The following PCDHA7 variants were observed in gnomAD, a reference collection of about 807,000 sequenced individuals.
PCDHA7 encodes the protein protocadherin alpha 7, also known as protocadherin alpha-7.
Under a neutral mutation model 57.2 loss-of-function variants are expected in PCDHA7, and 37 were observed. The ratio of observed to expected loss-of-function variants is 0.65; its 90% CI spans 0.50 to 0.85. PCDHA7 has a LOEUF of 0.85. Among genes scored for constraint, PCDHA7 ranks in the 40% least tolerant of loss-of-function variants. The pLI, the probability that PCDHA7 is intolerant of heterozygous loss-of-function variation, is 0.00. For missense variants in PCDHA7, 1,188 were observed against 1,241.8 expected (o/e 0.96, Z 0.65); for synonymous variants, 553 against 558.8 (o/e 0.99, Z 0.15).
rs868942705 is a variant in PCDHA7 at position 140,935,763 on chromosome 5, C to T, written c.2356-43186C>T. Reference sequence around the variant, plus strand: ...TATTCCATACAATACACATTCTTCCCCACTTTGAGTTTTTTCACTTAAAAA... The same window carrying T: ...TATTCCATACAATACACATTCTTCCTCACTTTGAGTTTTTTCACTTAAAAA... On this transcript the variant is annotated intron_variant, in intron 1 of 3. Coordinates refer to ENST00000525929, the MANE Select transcript of PCDHA7 (RefSeq NM_018910.3). Among the ~76,000 whole-genome samples, 111 of 152,180 alleles carry T rather than the reference C, an allele frequency of 7.3e-4. 1 individual carries two copies. The highest frequency in any genetic ancestry group is 3.4e-3 in the Middle Eastern group (1 of 294).
intron 1 of PCDHA7, among the ~76,000 whole-genome samples, chr5:140,905,354 A>T (rs926429746): frequency 3.3e-5 from 5 of 152,030 alleles, no homozygotes; most frequent in Non-Finnish European, 5.9e-5. Context: ...TAAGTATTTG[A>T]CTATATTTCT....
rs1361440512 is a variant in PCDHA7, at chr5:140,875,201, G to A, written c.2355+38463G>A. 5.0e-5 allele frequency: 30 copies of A among 595,474 alleles called. No homozygotes were observed. The East Asian group carries it at 1.1e-3, about 21-fold the overall frequency. 36.9% of individuals were successfully genotyped at this position (595,474 alleles called of 1,614,324 possible). A position where few individuals can be genotyped will look rare whatever the true frequency, so the allele number is the denominator to read the frequency against. On this transcript the variant is annotated intron_variant, in intron 1 of 3. Coordinates refer to ENST00000525929, the MANE Select transcript of PCDHA7 (RefSeq NM_018910.3). ...AGAATTAAGAGTGACCCAGGAAGTG[G>A]CTAAACCGAAAAGAACCTCAGGATC... is the stretch of plus-strand genomic sequence containing the variant.
At position 140,836,060 on chromosome 5, in the gene PCDHA7, C is replaced by A; in HGVS notation, c.1677C>A (p.Asn559Lys). ...VTLQVFVLDE[N>K]DNAPALLAPR... ...TGCAGGTGTTCGTGCTGGACGAGAA[C>A]GACAACGCGCCGGCACTGCTGGCGC... is the stretch of plus-strand genomic sequence containing the variant. The change falls in exon 1 of 4, where the codon AAC (asparagine) becomes AAA (lysine). Residue 559 changes from asparagine (N) to lysine (K), a missense_variant. This residue lies in a region of PCDHA7 where 892 missense variants were observed against 788.5 expected (regional missense o/e 1.13). Coordinates refer to ENST00000525929, the MANE Select transcript of PCDHA7 (RefSeq NM_018910.3). 8.1e-6 allele frequency: 13 copies of A among 1,613,098 alleles called. No individual in the cohort carries two copies. The highest frequency in any genetic ancestry group is 1.1e-5 in the Non-Finnish European group (13 of 1,179,748).
intron 1 of PCDHA7, chr5:140,868,367 A>T (rs1172492575): frequency 1.3e-5 from 2 of 152,208 alleles, no homozygotes; most frequent in African/African-American, 4.8e-5. Context: ...AAATGTAAAT[A>T]ACAGTAAAGA....
chr5:140,969,585 T>A (rs2096344806), intron 1 of PCDHA7: 1 of 896,450 alleles, frequency 1.1e-6, no homozygotes, highest in Admixed American at 3.0e-5. Flanking sequence ...TGAGGATTAG[T>A]CTTAATATTT....
At chr5:140,883,280 G>T (rs2059527753) in intron 1 of PCDHA7, 1 of 1,613,990 alleles carries the variant, frequency 6.2e-7, no homozygotes, top group Non-Finnish European at 8.5e-7. Flanking sequence ...TACCCTTTTG[G>T]TGGAAGTACT....
chr5:140,876,286 G>C (rs782471001), intron 1 of PCDHA7: 14 of 1,614,040 alleles, frequency 8.7e-6, no homozygotes, highest in Non-Finnish European at 1.0e-5. Context: ...TCCAGACGAA[G>C]GACTTAATGG....
At chr5:140,870,938 C>G in intron 1 of PCDHA7, 1 of 1,613,724 alleles carries the variant, frequency 6.2e-7, no homozygotes, top group Non-Finnish European at 8.5e-7. Flanking sequence ...GAATTGCAGC[C>G]GGCGGCGGGC....
At chr5:140,934,258 A>G (rs2089731137) in intron 1 of PCDHA7, among the ~76,000 whole-genome samples, 1 of 152,140 alleles carries the variant, frequency 6.6e-6, no homozygotes, top group Non-Finnish European at 1.5e-5. Flanking sequence ...ATCAAAATTA[A>G]TAATAATCAG....
At chr5:140,924,902 A>T (rs1484044152) in intron 1 of PCDHA7, among the ~76,000 whole-genome samples, 1 of 39,026 alleles carries the variant, frequency 2.6e-5, no homozygotes, top group African/African-American at 7.6e-5. Context: ...CTCAAAAAAA[A>T]AAATAAAATA....
intron 1 of PCDHA7, chr5:140,927,723 A>G: frequency 6.2e-7 from 1 of 1,614,220 alleles, no homozygotes; most frequent in Non-Finnish European, 8.5e-7. Context: ...ACAGCACGCA[A>G]GCAGAGCTGC....
chr5:140,857,419 C>G, intron 1 of PCDHA7: 3 of 1,598,332 alleles, frequency 1.9e-6, no homozygotes, highest in Non-Finnish European at 2.6e-6. Context: ...TCGCGCAGTC[C>G]GAGTACACGG....
intron 1 of PCDHA7, among the ~76,000 whole-genome samples, chr5:140,914,495 A>G (rs1469336186): frequency 2.0e-5 from 3 of 152,164 alleles, no homozygotes; most frequent in Non-Finnish European, 4.4e-5. Context: ...CTTGTGGGCA[A>G]CAGATCATTG....
rs1296767379 is a variant in PCDHA7 at position 140,898,372 on chromosome 5, T to C, written c.2355+61634T>C. ...ATCTTGAATTAATTTTTGTATAAGG[T>C]GTAAGGAAGGGATCCAGTTTCAGCT... On this transcript the variant is annotated intron_variant, in intron 1 of 3. Coordinates refer to ENST00000525929, the MANE Select transcript of PCDHA7 (RefSeq NM_018910.3). Among the ~76,000 whole-genome samples, 5 of 152,320 alleles carry C rather than the reference T, an allele frequency of 3.3e-5. No individual in the cohort carries two copies. In the East Asian group the frequency reaches 9.6e-4, roughly 29 times the overall value.
At chr5:140,841,636 C>T (rs2150319848) in intron 1 of PCDHA7, 1 of 1,614,130 alleles carries the variant, frequency 6.2e-7, no homozygotes. Flanking sequence ...GCAGCATCCA[C>T]CTGGAGGTGA....
chr5:140,971,698 A>G (rs969936167), intron 1 of PCDHA7, among the ~76,000 whole-genome samples: 16 of 151,980 alleles, frequency 1.1e-4, no homozygotes, highest in Non-Finnish European at 2.2e-4. Context: ...CTCACTAACC[A>G]CCCTGCTATA....
rs781874469 is a variant in PCDHA7 at position 140,967,699 on chromosome 5, T to A, written c.2356-11250T>A. On this transcript the variant is annotated intron_variant, in intron 1 of 3. Coordinates refer to ENST00000525929, the MANE Select transcript of PCDHA7 (RefSeq NM_018910.3). ...GGGAGAGGCAGCTCTTCAGCATAGA[T>A]GCCAGTACCGGGGAAGTGCGAGTAA... The A allele has an allele frequency of 1.2e-6, 2 of 1,614,154 alleles. No individual in the cohort carries two copies. Among genetic ancestry groups the A allele is most frequent in the Non-Finnish European group, 1.7e-6 (2 of 1,180,034 alleles).
chr5:140,928,893 T>C (rs1554206469), intron 1 of PCDHA7: 1 of 1,614,052 alleles, frequency 6.2e-7, no homozygotes, highest in African/African-American at 1.3e-5. Flanking sequence ...TTCCAGACTT[T>C]GAAGATGTCT....
At chr5:140,885,930 AT>A (rs1188534786) in intron 1 of PCDHA7, among the ~76,000 whole-genome samples, 9 of 152,222 alleles carry the variant, frequency 5.9e-5, no homozygotes, top group Admixed American at 5.9e-4. Context: ...CTGTTTATCT[AT>A]TTTTTGACAT....
Sources: allele counts gnomAD v4.1 joint callset (sites outside exome capture counted in the v4.1 genomes callset), GRCh38; gene constraint gnomAD v4.1.1; regional missense constraint gnomAD v4.1.1; transcripts MANE v1.5; gene names NCBI Gene and HGNC (gene_info 2026-07-23, HGNC 2026-07-21).